DLG2: variants seen among roughly 807,000 people sequenced by gnomAD.
DLG2 encodes the protein disks large homolog 2.
A neutral mutation model predicts 132.5 loss-of-function variants in DLG2; 45 were observed. The observed-to-expected ratio is 0.34, with a 90% CI of 0.27 to 0.44. The LOEUF is 0.44. DLG2 is among the 20% of genes least tolerant of loss of function. The pLI, the probability that DLG2 is intolerant of heterozygous loss-of-function variation, is 1.00. For synonymous variants in DLG2, 424 were observed against 419.6 expected (o/e 1.01, Z -0.13); for missense variants, 1,045 against 1,196.9 (o/e 0.87, Z 1.87).
rs181897623 is a variant in DLG2 at position 85,284,410 on chromosome 11, T to C, written c.186+810A>G. On this transcript the variant is annotated intron_variant, in intron 4 of 27. Coordinates refer to ENST00000376104, the MANE Select transcript of DLG2 (RefSeq NM_001142699.3). ...TACAAACTCAGCAATCAACATGCTA[T>C]TGATTGGCACTAGGATTCCATGTAG... is the stretch of plus-strand genomic sequence containing the variant. Among the ~76,000 whole-genome samples the C allele has an allele frequency of 1.6e-3, 244 of 152,046 alleles. 1 individual carries two copies. Among genetic ancestry groups the C allele is most frequent in the African/African-American group, 5.8e-3 (240 of 41,554 alleles).
At chr11:84,366,842 G>A (rs1190804478) in intron 7 of DLG2, among the ~76,000 whole-genome samples, 2 of 152,062 alleles carry the variant, frequency 1.3e-5, no homozygotes, top group Non-Finnish European at 2.9e-5. Context: ...AAGAGACTTA[G>A]ACTCCCACAC....
At chr11:85,517,231 T>A (rs575615124) in intron 3 of DLG2, among the ~76,000 whole-genome samples, 1 of 151,952 alleles carries the variant, frequency 6.6e-6, no homozygotes, top group South Asian at 2.1e-4. Flanking sequence ...CAACATCCTA[T>A]CATGATTTAA....
chr11:84,155,562 A>G (rs1402419239), intron 9 of DLG2, among the ~76,000 whole-genome samples: 1 of 151,548 alleles, frequency 6.6e-6, no homozygotes, highest in East Asian at 1.9e-4. Flanking sequence ...GGAAATACAC[A>G]CCCAATGCCA....
intron 6 of DLG2, among the ~76,000 whole-genome samples, chr11:84,844,050 CAT>C (rs200537805): frequency 0.014 from 1,609 of 111,880 alleles, 44 homozygotes; most frequent in African/African-American, 0.053. Context: ...TCTGTGTGTA[CAT>C]ATATATATAT....
intron 6 of DLG2, among the ~76,000 whole-genome samples, chr11:84,707,168 G>A (rs561603096): frequency 2.6e-5 from 4 of 151,836 alleles, no homozygotes; most frequent in Admixed American, 1.3e-4. Context: ...CTCCCCAAGC[G>A]AACACCTAGA....
At chr11:84,154,633 T>C (rs142497459) in intron 9 of DLG2, among the ~76,000 whole-genome samples, 2,556 of 152,300 alleles carry the variant, frequency 0.017, 74 homozygotes, top group African/African-American at 0.058. Flanking sequence ...TATCTCCTAA[T>C]GCTATCCCTC....
At chr11:85,174,820 G>A (rs2079107686) in intron 4 of DLG2, among the ~76,000 whole-genome samples, 1 of 152,064 alleles carries the variant, frequency 6.6e-6, no homozygotes, top group South Asian at 2.1e-4. Context: ...ACAACCAAGA[G>A]AAAACTATAA....
chr11:83,544,477 T>C (rs1366601891), intron 19 of DLG2, among the ~76,000 whole-genome samples: 1 of 152,122 alleles, frequency 6.6e-6, no homozygotes, highest in East Asian at 1.9e-4. Context: ...GGGACAGATC[T>C]AGTGGGGCCC....
chr11:84,578,399 C>A (rs2099508435), intron 6 of DLG2, among the ~76,000 whole-genome samples: 1 of 152,152 alleles, frequency 6.6e-6, no homozygotes, highest in Non-Finnish European at 1.5e-5. Flanking sequence ...AGGTTGTACC[C>A]TGCAAAGCCA....
chr11:84,370,169 T>C (rs962166377), intron 7 of DLG2, among the ~76,000 whole-genome samples: 3 of 152,160 alleles, frequency 2.0e-5, no homozygotes, highest in African/African-American at 2.4e-5. Context: ...GTTTGACATA[T>C]ACAATCCATT....
chr11:83,915,629 T>C (rs1431299956), intron 15 of DLG2, among the ~76,000 whole-genome samples: 1 of 152,154 alleles, frequency 6.6e-6, no homozygotes, highest in Non-Finnish European at 1.5e-5. Context: ...TTTTTATTAT[T>C]TTTATCTGAA....
At chr11:84,058,180 A>G (rs1351584644) in intron 11 of DLG2, among the ~76,000 whole-genome samples, 1 of 152,170 alleles carries the variant, frequency 6.6e-6, no homozygotes, top group African/African-American at 2.4e-5. Context: ...TAGAGATTAA[A>G]TAGATTTTAA....
At position 84,311,737 on chromosome 11, in the gene DLG2, C is replaced by G. The variant is rs373815411; in HGVS notation, c.520-60446G>C. Among the ~76,000 whole-genome samples, 67 of 152,262 alleles carry G rather than the reference C, an allele frequency of 4.4e-4. 1 individual carries two copies. The South Asian group carries it at 0.013, about 30-fold the overall frequency. On this transcript the variant is annotated intron_variant, in intron 7 of 27. Coordinates refer to ENST00000376104, the MANE Select transcript of DLG2 (RefSeq NM_001142699.3). ...TTATGAAGTCCTCATCAAGGTCCAC[C>G]CGGCTATCTCTGACCAGGCCCCACC...
At chr11:84,739,222 A>C (rs2064267194) in intron 6 of DLG2, among the ~76,000 whole-genome samples, 1 of 152,232 alleles carries the variant, frequency 6.6e-6, no homozygotes, top group Non-Finnish European at 1.5e-5. Context: ...AATAATATAG[A>C]TTAAATATCT....
intron 7 of DLG2, among the ~76,000 whole-genome samples, chr11:84,270,460 A>T (rs2097706068): frequency 1.3e-5 from 2 of 152,146 alleles, no homozygotes; most frequent in Non-Finnish European, 2.9e-5. Context: ...TTCTCTGAAG[A>T]CTGTTTTGAG....
At chr11:84,207,923 A>G (rs563377435) in intron 8 of DLG2, among the ~76,000 whole-genome samples, 89 of 152,348 alleles carry the variant, frequency 5.8e-4, no homozygotes, top group African/African-American at 2.0e-3. Context: ...TCATAAATAA[A>G]TAATAAAAAA....
At chr11:85,380,611 G>C (rs2085804384) in intron 3 of DLG2, among the ~76,000 whole-genome samples, 1 of 152,206 alleles carries the variant, frequency 6.6e-6, no homozygotes, top group African/African-American at 2.4e-5. Flanking sequence ...GGTGAGTCAA[G>C]ATTGCACCAT....
At chr11:85,447,164 A>C (rs111750319) in intron 3 of DLG2, among the ~76,000 whole-genome samples, 2 of 152,160 alleles carry the variant, frequency 1.3e-5, no homozygotes, top group Non-Finnish European at 2.9e-5. Context: ...AAGTCTTCAA[A>C]CTTCACCCAT....
At chr11:84,474,553 A>G (rs941236537) in intron 7 of DLG2, among the ~76,000 whole-genome samples, 4 of 151,996 alleles carry the variant, frequency 2.6e-5, no homozygotes, top group Admixed American at 6.6e-5. Context: ...TAGACAATAT[A>G]TTCTCTTTAT....
Sources: allele counts gnomAD v4.1 joint callset (sites outside exome capture counted in the v4.1 genomes callset), GRCh38; gene constraint gnomAD v4.1.1; transcripts MANE v1.5; gene names NCBI Gene and HGNC (gene_info 2026-07-23, HGNC 2026-07-21).